DPP6: variants seen among roughly 807,000 people sequenced by gnomAD.
The protein encoded by DPP6 is A-type potassium channel modulatory protein DPP6.
DPP6 carries 69 observed loss-of-function variants against 122.6 expected under a neutral mutation model. That is an observed-to-expected ratio of 0.56 (90% CI 0.46 to 0.69). The LOEUF (loss-of-function observed/expected upper bound fraction) is 0.69, where lower values mean the gene tolerates loss of function less well. Among genes scored for constraint, DPP6 ranks in the 30% least tolerant of loss-of-function variants. The probability of loss-of-function intolerance (pLI) is 0.00; values close to 1 mark genes in which losing one functional copy is unlikely to be tolerated. For synonymous variants in DPP6, 418 were observed against 433.1 expected (o/e 0.97, Z 0.43); for missense variants, 928 against 1,116.9 (o/e 0.83, Z 2.41).
chr7:154,827,020 A>G (rs1339785293), intron 16 of DPP6, among the ~76,000 whole-genome samples: 1 of 152,180 alleles, frequency 6.6e-6, no homozygotes, highest in Non-Finnish European at 1.5e-5. Flanking sequence ...CTAGAAACAC[A>G]ACATAGCATC....
chr7:154,240,429 C>A (rs999059322), intron 1 of DPP6, among the ~76,000 whole-genome samples: 2 of 152,140 alleles, frequency 1.3e-5, no homozygotes, highest in Non-Finnish European at 2.9e-5. Flanking sequence ...TTTTGTCTTT[C>A]TATGAGCTTT....
At chr7:154,072,941 G>A (rs1230184915) in intron 1 of DPP6, among the ~76,000 whole-genome samples, 3 of 152,208 alleles carry the variant, frequency 2.0e-5, no homozygotes, top group Non-Finnish European at 2.9e-5. Flanking sequence ...GGACCCACAC[G>A]CTCACGCAGT....
At chr7:154,840,401 C>A (rs1801427793) in intron 16 of DPP6, among the ~76,000 whole-genome samples, 1 of 152,188 alleles carries the variant, frequency 6.6e-6, no homozygotes, top group Admixed American at 6.5e-5. Context: ...GAAGCGGAAG[C>A]CTTTCCAGTC....
the DPP6 span, among the ~76,000 whole-genome samples, chr7:153,770,228 G>A: frequency 6.6e-6 from 1 of 152,108 alleles, no homozygotes; most frequent in Non-Finnish European, 1.5e-5. Flanking sequence ...ATTGCAACTG[G>A]TGTATGAAAA....
chr7:154,804,044 G>T, intron 14 of DPP6, 89 bp downstream of exon 14: 1 of 1,477,476 alleles, frequency 6.8e-7, no homozygotes. Context: ...GAGTACAGGA[G>T]CACAGGAGGC....
intron 1 of DPP6, among the ~76,000 whole-genome samples, chr7:153,891,036 T>G (rs1376592763): frequency 7.1e-6 from 1 of 141,294 alleles, no homozygotes; most frequent in African/African-American, 2.7e-5. Flanking sequence ...TTTTTTTTTT[T>G]TTTGAGATGG....
chr7:154,893,346 A>G lies in DPP6; in HGVS notation c.*866A>G, dbSNP rs1412365828. On this transcript the variant is annotated 3_prime_UTR_variant, in exon 26 of 26. Coordinates refer to ENST00000377770, the MANE Select transcript of DPP6 (RefSeq NM_130797.4). ...AATAAAACCTCTCTCCCACTCAGCT[A>G]TGCTAGGGCTTGGCTGTAGGTGTGC... is the stretch of plus-strand genomic sequence containing the variant. The G allele has an allele frequency of 5.4e-6, 1 of 185,520 alleles. No homozygotes were observed. The highest frequency in any genetic ancestry group is 1.1e-5 in the Non-Finnish European group (1 of 91,096). The allele number at this position is 185,520 out of a possible 1,614,324, so 11.5% of individuals were successfully genotyped here. A position where few individuals can be genotyped will look rare whatever the true frequency, so the allele number is the denominator to read the frequency against.
intron 8 of DPP6, among the ~76,000 whole-genome samples, chr7:154,764,909 A>G (rs1295870313): frequency 6.6e-6 from 1 of 152,138 alleles, no homozygotes; most frequent in African/African-American, 2.4e-5. Context: ...GGTGCATCAC[A>G]TTCTCTCCAG....
At chr7:154,035,216 C>A (rs1162964170) in intron 1 of DPP6, among the ~76,000 whole-genome samples, 3 of 152,256 alleles carry the variant, frequency 2.0e-5, no homozygotes, top group Non-Finnish European at 4.4e-5. Context: ...GGTATCCTTA[C>A]ATGCCATCTC....
intron 1 of DPP6, among the ~76,000 whole-genome samples, chr7:154,071,454 G>C (rs1375931064): frequency 1.3e-5 from 2 of 152,202 alleles, no homozygotes; most frequent in African/African-American, 2.4e-5. Flanking sequence ...CACTGCCCTG[G>C]TTCACATGTT....
the DPP6 span, among the ~76,000 whole-genome samples, chr7:153,874,727 A>G: frequency 6.6e-6 from 1 of 152,224 alleles, no homozygotes; most frequent in Admixed American, 6.5e-5. Flanking sequence ...TCAAATGGGC[A>G]TATTAGAATG....
chr7:154,722,042 A>T (rs1273940627), intron 7 of DPP6, among the ~76,000 whole-genome samples: 2 of 151,518 alleles, frequency 1.3e-5, no homozygotes, highest in African/African-American at 4.9e-5. Flanking sequence ...AGATATATAG[A>T]TAGATGCCTG....
intron 1 of DPP6, among the ~76,000 whole-genome samples, chr7:153,959,379 G>T (rs893208988): frequency 6.6e-6 from 1 of 152,048 alleles, no homozygotes; most frequent in Non-Finnish European, 1.5e-5. Context: ...TATTTTGGAG[G>T]GACTCAAACT....
intron 1 of DPP6, among the ~76,000 whole-genome samples, chr7:154,126,944 C>T (rs1807935653): frequency 6.6e-6 from 1 of 152,184 alleles, no homozygotes; most frequent in Non-Finnish European, 1.5e-5. Context: ...GCCACCATAA[C>T]ACTTTTTTCA....
chr7:154,439,455 T>G (rs917227463), intron 1 of DPP6, among the ~76,000 whole-genome samples: 1 of 152,220 alleles, frequency 6.6e-6, no homozygotes, highest in African/African-American at 2.4e-5. Context: ...TTTGGAAATA[T>G]ATAGAACAAC....
intron 7 of DPP6, among the ~76,000 whole-genome samples, chr7:154,722,020 A>T (rs1309835456): frequency 2.0e-5 from 3 of 148,800 alleles, no homozygotes; most frequent in Non-Finnish European, 3.0e-5. Flanking sequence ...AAAAAAAAAG[A>T]TACAGATAGA....
intron 8 of DPP6, among the ~76,000 whole-genome samples, chr7:154,740,132 C>T (rs187999196): frequency 6.6e-6 from 1 of 152,264 alleles, no homozygotes; most frequent in East Asian, 1.9e-4. Flanking sequence ...CCTGAGAGAT[C>T]GTGACAAATA....
intron 1 of DPP6, among the ~76,000 whole-genome samples, chr7:153,941,957 GA>G (rs965764168): frequency 1.3e-5 from 2 of 151,904 alleles, no homozygotes; most frequent in South Asian, 2.1e-4. Context: ...CTGTGGCTGG[GA>G]AAAAAAAGGA....
intron 4 of DPP6, among the ~76,000 whole-genome samples, chr7:154,557,092 C>T (rs1041727546): frequency 4.6e-5 from 7 of 152,124 alleles, no homozygotes; most frequent in Admixed American, 1.3e-4. Flanking sequence ...ATCACAACTT[C>T]GACCAAGACG....
Sources: allele counts gnomAD v4.1 joint callset (sites outside exome capture counted in the v4.1 genomes callset), GRCh38; gene constraint gnomAD v4.1.1; transcripts MANE v1.5; gene names NCBI Gene and HGNC (gene_info 2026-07-23, HGNC 2026-07-21).